Variants in GRIK3 observed in about 807,000 individuals in gnomAD.
GRIK3 encodes glutamate receptor ionotropic, kainate 3.
Under a neutral mutation model 102.5 loss-of-function variants are expected in GRIK3, and 29 were observed. The observed-to-expected ratio is 0.28, with a 90% CI of 0.21 to 0.39. GRIK3 has a LOEUF of 0.39. GRIK3 is among the 10% of genes least tolerant of loss of function. The pLI is 1.00. For synonymous variants in GRIK3, 511 were observed against 504.9 expected (o/e 1.01, Z -0.16); for missense variants, 908 against 1,252.4 (o/e 0.73, Z 4.15).
In GRIK3 at chr1:36,883,438, G is replaced by T. The variant is rs535709302; in HGVS notation, c.293-2547C>A. On this transcript the variant is annotated intron_variant, in intron 2 of 15. Coordinates refer to ENST00000373091, the MANE Select transcript of GRIK3 (RefSeq NM_000831.4). ...ACCCCAGCCCTTATGTCCAAACACT[G>T]TCTACACCCACTGCAAACAGCTGCC... is the stretch of plus-strand genomic sequence containing the variant. Among the ~76,000 whole-genome samples, 7 of 152,202 alleles carry T rather than the reference G, an allele frequency of 4.6e-5. No homozygotes were observed. In the South Asian group the frequency reaches 1.5e-3, roughly 32 times the overall value.
At chr1:37,005,989 G>A (rs1642528387) in intron 1 of GRIK3, among the ~76,000 whole-genome samples, 1 of 152,140 alleles carries the variant, frequency 6.6e-6, no homozygotes, top group African/African-American at 2.4e-5. Flanking sequence ...ACATACTGGA[G>A]ACTGTCAGAA....
At chr1:36,808,453 G>T (rs969680796) in intron 13 of GRIK3, among the ~76,000 whole-genome samples, 4 of 152,190 alleles carry the variant, frequency 2.6e-5, no homozygotes, top group Non-Finnish European at 5.9e-5. Flanking sequence ...ACTCTCTCTG[G>T]CTCGTCTCAC....
intron 1 of GRIK3, among the ~76,000 whole-genome samples, chr1:36,933,432 C>A (rs931342127): frequency 7.2e-5 from 11 of 152,218 alleles, no homozygotes; most frequent in African/African-American, 2.7e-4. Flanking sequence ...CTAATGGTAA[C>A]TATGTAGTTT....
intron 1 of GRIK3, among the ~76,000 whole-genome samples, chr1:36,924,605 C>T (rs563704918): frequency 2.6e-5 from 4 of 152,212 alleles, no homozygotes; most frequent in Non-Finnish European, 5.9e-5. Flanking sequence ...CCTAATGCCT[C>T]CCAGCCTGTG....
At position 36,801,807 on chromosome 1, in the gene GRIK3, C is replaced by T. The variant is rs1171593054; in HGVS notation, c.*44G>A. ...CGTTCCTTCCAATCTCCTTTGCTTTCCTCTGCCCAGCCCCCAGGCCTGAGG... is the reference window on the plus strand; with the variant it reads ...CGTTCCTTCCAATCTCCTTTGCTTTTCTCTGCCCAGCCCCCAGGCCTGAGG... On this transcript the variant is annotated 3_prime_UTR_variant, in exon 16 of 16. Transcript: ENST00000373091. The T allele has an allele frequency of 6.6e-7, 1 of 1,507,546 alleles. No homozygotes were observed. Among genetic ancestry groups the T allele is most frequent in the African/African-American group, 1.4e-5 (1 of 72,184 alleles). 93.4% of individuals were successfully genotyped at this position (1,507,546 alleles called of 1,614,324 possible). A position where few individuals can be genotyped will look rare whatever the true frequency, so the allele number is the denominator to read the frequency against.
chr1:36,985,004 G>A (rs1438059220), intron 1 of GRIK3, among the ~76,000 whole-genome samples: 1 of 152,156 alleles, frequency 6.6e-6, no homozygotes, highest in Non-Finnish European at 1.5e-5. Context: ...AGTGGTCAAG[G>A]GCTCCGTGAA....
At position 36,825,632 on chromosome 1, in the gene GRIK3, C is replaced by A. The variant is rs776463427; in HGVS notation, c.1725G>T (p.Gly575=). 12 of 1,602,068 alleles carry A rather than the reference C, an allele frequency of 7.5e-6. No homozygotes were observed. Among genetic ancestry groups the A allele is most frequent in the Non-Finnish European group, 1.0e-5 (12 of 1,174,184 alleles). ...CGATGACGAAGAGGACACAGCTGAC[C>A]CCCAGGTAGGCGAGGAGAACATACA... ...IWMYVLLAYL[G]VSCVLFVIAR... is the part of the protein sequence containing the mutation. Residue 575 remains glycine (G), a synonymous_variant, in exon 11 of 16, where the codon GGG becomes GGT. Transcript: ENST00000373091.
intron 1 of GRIK3, among the ~76,000 whole-genome samples, chr1:36,912,040 G>A (rs553743910): frequency 3.3e-5 from 5 of 152,178 alleles, no homozygotes; most frequent in East Asian, 1.9e-4. Flanking sequence ...TCTCTTCAGC[G>A]TCCACTCTTC....
chr1:36,823,269 C>T (rs527436371), intron 11 of GRIK3, among the ~76,000 whole-genome samples: 1 of 152,022 alleles, frequency 6.6e-6, no homozygotes, highest in East Asian at 1.9e-4. Context: ...GTCAGGAGAT[C>T]GAGACCATCC....
In GRIK3 at chr1:36,943,433, C is replaced by T. The variant is rs1459347649; in HGVS notation, c.116-52337G>A. Among the ~76,000 whole-genome samples, 3 of 152,274 alleles carry T rather than the reference C, an allele frequency of 2.0e-5. No individual in the cohort carries two copies. In the East Asian group the frequency reaches 5.8e-4, roughly 29 times the overall value. On this transcript the variant is annotated intron_variant, in intron 1 of 15. Coordinates refer to ENST00000373091, the MANE Select transcript of GRIK3 (RefSeq NM_000831.4). ...GACTAGAAGATGTAAAGTAGCCTTC[C>T]TCTGACTCCATTTCCACCTCTACAC...
rs1472019520 is a variant in GRIK3 at position 36,825,825 on chromosome 1, T to C, written c.1532A>G (p.Lys511Arg). The C allele has an allele frequency of 6.2e-7, 1 of 1,602,624 alleles. No individual in the cohort carries two copies. The highest frequency in any genetic ancestry group is 1.7e-5 in the Admixed American group (1 of 58,798). Reference sequence around the variant, plus strand: ...CAGGGGGGCCACGGCCAGATCTGCCTTCTGCAACCAGACAGAGAGAGAAAG... The same window carrying C: ...CAGGGGGGCCACGGCCAGATCTGCCCTCTGCAACCAGACAGAGAGAGAAAG... ...NGMVKELIDH[K>R]ADLAVAPLTI... Residue 511 changes from lysine (K) to arginine (R), a missense_variant and splice_region_variant, in exon 11 of 16, where the codon AAG (lysine) becomes AGG (arginine). Transcript: ENST00000373091.
chr1:36,949,886 T>G (rs1292399658), intron 1 of GRIK3, among the ~76,000 whole-genome samples: 1 of 152,164 alleles, frequency 6.6e-6, no homozygotes, highest in Non-Finnish European at 1.5e-5. Flanking sequence ...GCCCTAATTC[T>G]TTTAATTCAT....
At chr1:36,816,619 C>T (rs1642634690) in intron 13 of GRIK3, among the ~76,000 whole-genome samples, 1 of 152,194 alleles carries the variant, frequency 6.6e-6, no homozygotes, top group Non-Finnish European at 1.5e-5. Context: ...AAGCCTCCTC[C>T]CTTCCTCTCA....
Position 37,013,365 on chromosome 1 carries a change from G to A in GRIK3, c.115+20629C>T, listed in dbSNP as rs1642617198. Among the ~76,000 whole-genome samples the A allele has an allele frequency of 2.0e-5, 3 of 152,204 alleles. No individual in the cohort carries two copies. The South Asian group carries it at 6.2e-4, about 32-fold the overall frequency. On this transcript the variant is annotated intron_variant, in intron 1 of 15. Transcript: ENST00000373091. ...GTGTTAAATAATTCAGCAGTGGATTGAGCCAGACAGCCCGGCATCTTGTCC... is the reference window on the plus strand; with the variant it reads ...GTGTTAAATAATTCAGCAGTGGATTAAGCCAGACAGCCCGGCATCTTGTCC...
Position 36,991,361 on chromosome 1 carries a change from C to T in GRIK3, c.115+42633G>A, listed in dbSNP as rs568099575. On this transcript the variant is annotated intron_variant, in intron 1 of 15. Transcript: ENST00000373091. ...CTAAAGGGGCCACAGACACCATCTT[C>T]CTTAACTTCTGCATTTCACAGGGCC... is the stretch of plus-strand genomic sequence containing the variant. Among the ~76,000 whole-genome samples, 9 of 152,322 alleles carry T rather than the reference C, an allele frequency of 5.9e-5. No homozygotes were observed. In the South Asian group the frequency reaches 1.9e-3, roughly 32 times the overall value.
At chr1:37,023,551 C>T (rs1029918377) in intron 1 of GRIK3, among the ~76,000 whole-genome samples, 3 of 152,214 alleles carry the variant, frequency 2.0e-5, no homozygotes, top group Admixed American at 6.5e-5. Context: ...TTCTGAAGCT[C>T]GTTAAAGTGT....
At chr1:36,886,196 C>T (rs1385803647) in intron 2 of GRIK3, among the ~76,000 whole-genome samples, 4 of 152,118 alleles carry the variant, frequency 2.6e-5, no homozygotes, top group African/African-American at 4.8e-5. Context: ...GAAAGGCCCC[C>T]GGCCTCATGT....
intron 2 of GRIK3, among the ~76,000 whole-genome samples, chr1:36,883,631 G>C (rs1641007839): frequency 6.6e-6 from 1 of 152,218 alleles, no homozygotes; most frequent in African/African-American, 2.4e-5. Context: ...GAAGGGCAGG[G>C]CACAGGCTCC....
intron 5 of GRIK3, among the ~76,000 whole-genome samples, chr1:36,863,503 A>G (rs1247924181): frequency 6.6e-6 from 1 of 151,962 alleles, no homozygotes; most frequent in East Asian, 1.9e-4. Flanking sequence ...CCCAGGATGC[A>G]AGTTCAGGCC....
Sources: gnomAD v4.1 joint callset for allele counts (sites outside exome capture counted in the v4.1 genomes callset) on GRCh38, gnomAD v4.1.1 for gene constraint, MANE v1.5 for transcripts, NCBI Gene and HGNC (gene_info 2026-07-23, HGNC 2026-07-21) for gene names.